The following AP4S1 variants were observed in gnomAD, a reference collection of about 807,000 sequenced individuals.
AP4S1 encodes the protein adaptor related protein complex 4 subunit sigma 1, also known as AP-4 complex subunit sigma-1.
AP4S1 carries 23 observed loss-of-function variants against 19.8 expected under a neutral mutation model. That is an observed-to-expected ratio of 1.16 (90% CI 0.84 to 1.65). AP4S1 has a LOEUF of 1.65. AP4S1 is among the 40% of genes most tolerant of loss of function. The pLI is 0.00. For missense variants in AP4S1, 166 were observed against 172.8 expected, an observed-to-expected ratio of 0.96 and a Z score of 0.22; for synonymous variants, 46 against 54.1, an observed-to-expected ratio of 0.85 and a Z score of 0.66.
At chr14:31,057,372 A>G (rs1382698503) in intron 1 of AP4S1, among the ~76,000 whole-genome samples, 1 of 152,210 alleles carries the variant, frequency 6.6e-6, no homozygotes, top group African/African-American at 2.4e-5. Context: ...AGCTATTAAC[A>G]GTTAGTCACA....
chr14:31,048,735 T>A (rs1885562936), intron 1 of AP4S1, among the ~76,000 whole-genome samples: 1 of 151,918 alleles, frequency 6.6e-6, no homozygotes, highest in Non-Finnish European at 1.5e-5. Context: ...AGACTCTGTC[T>A]CCAAAACAAA....
rs1594686802 is a variant in AP4S1 at position 31,069,933 on chromosome 14, A to G, written c.225+4A>G. ...GGTTGGAGTTAATGACACTGAGGTA[A>G]GATAATAGAAGAGCCCTTGGAAAAT... On this transcript the variant is annotated splice_donor_region_variant and intron_variant, in intron 3 of 5. Coordinates refer to ENST00000542754, the MANE Select transcript of AP4S1 (RefSeq NM_001128126.3). 3 of 1,596,720 alleles carry G rather than the reference A, an allele frequency of 1.9e-6. No homozygotes were observed. In the Admixed American group the frequency reaches 5.0e-5, roughly 27 times the overall value.
intron 4 of AP4S1, among the ~76,000 whole-genome samples, chr14:31,074,830 C>T (rs1887270139): frequency 6.6e-6 from 1 of 151,642 alleles, no homozygotes; most frequent in Non-Finnish European, 1.5e-5. Context: ...TCATTATCCC[C>T]TCCACCCACA....
At chr14:31,065,809 C>T (rs1262951220) in intron 1 of AP4S1, among the ~76,000 whole-genome samples, 5 of 152,082 alleles carry the variant, frequency 3.3e-5, no homozygotes, top group African/African-American at 4.8e-5. Flanking sequence ...TACAGGCCCC[C>T]GCCACCACGC....
At chr14:31,091,248 C>T (rs528626730) in intron 5 of AP4S1, among the ~76,000 whole-genome samples, 120 of 152,186 alleles carry the variant, frequency 7.9e-4, no homozygotes, top group African/African-American at 2.4e-3. Context: ...TTGGAGAAGG[C>T]GACATTTTCA....
rs190465632 is a variant in AP4S1 at position 31,064,506 on chromosome 14, G to C, written c.-71-1620G>C. Among the ~76,000 whole-genome samples the C allele has an allele frequency of 1.9e-4, 29 of 152,212 alleles. No homozygotes were observed. In the East Asian group the frequency reaches 5.4e-3, roughly 28 times the overall value. ...CTAGTTAATTTTTGTATTTTTACTA[G>C]AGCCAAGGATTCACCATATTGGCCA... On this transcript the variant is annotated intron_variant, in intron 1 of 5. Transcript: ENST00000542754.
In AP4S1 at chr14:31,084,682, G is replaced by C. The variant is rs1054211482; in HGVS notation, c.306+4098G>C. 3 of 1,590,148 alleles carry C rather than the reference G, an allele frequency of 1.9e-6. No homozygotes were observed. In the African/African-American group the frequency reaches 4.0e-5, roughly 21 times the overall value. ...TGAGGCCTGAAGATTTGTGAAGCCTGTTTCTACAGGGAGACTTTGCCCCAT... is the reference window on the plus strand; with the variant it reads ...TGAGGCCTGAAGATTTGTGAAGCCTCTTTCTACAGGGAGACTTTGCCCCAT... On this transcript the variant is annotated intron_variant, in intron 5 of 5. Transcript: ENST00000542754.
At chr14:31,042,186 A>C (rs1885150187) in intron 1 of AP4S1, among the ~76,000 whole-genome samples, 2 of 152,216 alleles carry the variant, frequency 1.3e-5, no homozygotes, top group Admixed American at 6.5e-5. Context: ...CAAATAAAAG[A>C]AAGATAATTT....
chr14:31,056,799 C>T (rs756889120), intron 1 of AP4S1, among the ~76,000 whole-genome samples: 10 of 152,160 alleles, frequency 6.6e-5, no homozygotes, highest in African/African-American at 9.7e-5. Flanking sequence ...GAACATTTGG[C>T]TGGGCACAAT....
At chr14:31,083,992 A>G (rs1441248661) in intron 5 of AP4S1, among the ~76,000 whole-genome samples, 1 of 152,156 alleles carries the variant, frequency 6.6e-6, no homozygotes, top group Non-Finnish European at 1.5e-5. Flanking sequence ...ATCCTGCATC[A>G]CTGTGTGGTA....
chr14:31,087,124 A>G (rs2139121646), intron 5 of AP4S1, among the ~76,000 whole-genome samples: 1 of 151,870 alleles, frequency 6.6e-6, no homozygotes, highest in East Asian at 1.9e-4. Context: ...CTGGTCTTGA[A>G]CTCTGGAGCT....
At chr14:31,061,694 G>A (rs1021036950) in intron 1 of AP4S1, among the ~76,000 whole-genome samples, 10 of 151,732 alleles carry the variant, frequency 6.6e-5, no homozygotes, top group Non-Finnish European at 1.3e-4. Context: ...CCAGGCTGGA[G>A]TGCAGTGGTG....
intron 1 of AP4S1, among the ~76,000 whole-genome samples, chr14:31,032,750 G>A (rs566726231): frequency 6.6e-6 from 1 of 152,166 alleles, no homozygotes; most frequent in East Asian, 1.9e-4. Context: ...TGGCCAGGCT[G>A]GTCTTGAACT....
intron 1 of AP4S1, chr14:31,026,048 G>T: frequency 6.5e-7 from 1 of 1,530,484 alleles, no homozygotes. Context: ...CCGCTCCCTC[G>T]GAGGCCGGAG....
chr14:31,044,451 C>T (rs1018130373), intron 1 of AP4S1, among the ~76,000 whole-genome samples: 4 of 152,250 alleles, frequency 2.6e-5, no homozygotes, highest in African/African-American at 9.6e-5. Flanking sequence ...AAGCCATCCT[C>T]CTGCCTCAGC....
chr14:31,027,485 A>C (rs1884084893), intron 1 of AP4S1, among the ~76,000 whole-genome samples: 1 of 152,120 alleles, frequency 6.6e-6, no homozygotes, highest in Non-Finnish European at 1.5e-5. Flanking sequence ...AACATTGTGA[A>C]ACCCCATTTC....
chr14:31,086,943 C>G (rs1469758555), intron 5 of AP4S1, among the ~76,000 whole-genome samples: 1 of 152,086 alleles, frequency 6.6e-6, no homozygotes, highest in East Asian at 1.9e-4. Context: ...ACTGCAGCCT[C>G]AAACTCCTGG....
intron 1 of AP4S1, among the ~76,000 whole-genome samples, chr14:31,044,894 AC>A (rs1429652904): frequency 6.6e-6 from 1 of 151,542 alleles, no homozygotes; most frequent in Non-Finnish European, 1.5e-5. Context: ...TTTAAAAGAT[AC>A]GTTTTCTATA....
intron 5 of AP4S1, chr14:31,084,766 T>C: frequency 1.2e-6 from 2 of 1,614,166 alleles, no homozygotes; most frequent in Non-Finnish European, 1.7e-6. Flanking sequence ...GTGTTTTTTT[T>C]AGGAACCAAT....
Sources: gnomAD v4.1 joint callset for allele counts (sites outside exome capture counted in the v4.1 genomes callset) on GRCh38, gnomAD v4.1.1 for gene constraint, MANE v1.5 for transcripts, NCBI Gene and HGNC (gene_info 2026-07-23, HGNC 2026-07-21) for gene names.